The following LRRC30 variants were observed in gnomAD, a reference collection of about 807,000 sequenced individuals.
The protein encoded by LRRC30 is leucine rich repeat containing 30.
In LRRC30, 10 loss-of-function variants were observed where a neutral mutation model predicts 14.8. The ratio of observed to expected loss-of-function variants is 0.68; its 90% CI spans 0.42 to 1.15. LRRC30 has a LOEUF of 1.15. LRRC30 is among the 50% of genes most tolerant of loss of function. The probability of loss-of-function intolerance (pLI) is 0.00; values close to 1 mark genes in which losing one functional copy is unlikely to be tolerated. For synonymous variants in LRRC30, 202 were observed against 175.7 expected (o/e 1.15, Z -1.18); for missense variants, 403 against 373.9 (o/e 1.08, Z -0.64).
Position 7,232,008 on chromosome 18 carries a change from G to A in LRRC30, c.870G>A (p.Met290Ile). Reference sequence around the variant, plus strand: ...AGCTGGTGGAGGGGGGCCTGGAGATGCTCTTCGGCTACCTGAAGGACAAAA... The same window carrying A: ...AGCTGGTGGAGGGGGGCCTGGAGATACTCTTCGGCTACCTGAAGGACAAAA... ...LPELVEGGLE[M>I]LFGYLKDKKH... Residue 290 changes from methionine to isoleucine, a missense_variant, in exon 1 of 1, where the codon ATG (methionine) becomes ATA (isoleucine). Transcript: ENST00000383467. The A allele has an allele frequency of 2.5e-6, 4 of 1,612,684 alleles. No individual in the cohort carries two copies. The highest frequency in any genetic ancestry group is 3.4e-6 in the Non-Finnish European group (4 of 1,179,270).
Position 7,231,157 on chromosome 18 carries a change from A to T in LRRC30, c.19A>T (p.Arg7Trp). 1 of 1,594,058 alleles carries T rather than the reference A, an allele frequency of 6.3e-7. No homozygotes were observed. Among genetic ancestry groups the T allele is most frequent in the East Asian group, 2.2e-5 (1 of 44,520 alleles). The change falls in exon 1 of 1, where the codon AGG becomes TGG. Residue 7 changes from arginine (R) to tryptophan (W), a missense_variant. Physicochemically the swap from Arg to Trp is moderately radical, Grantham distance 101 (BLOSUM62 -3). Coordinates refer to ENST00000383467, the MANE Select transcript of LRRC30 (RefSeq NM_001105581.3). MGARQS[R>W]ASSKDKGPKR... ...AGGTACAATGGGGGCCAGGCAGTCA[A>T]GGGCCAGCTCCAAGGATAAGGGCCC... is the stretch of plus-strand genomic sequence containing the variant.
Position 7,231,354 on chromosome 18 carries a change from G to T in LRRC30, c.216G>T (p.Glu72Asp), listed in dbSNP as rs2058619015. The T allele has an allele frequency of 1.2e-6, 2 of 1,614,120 alleles. No individual in the cohort carries two copies. The highest frequency in any genetic ancestry group is 2.7e-5 in the African/African-American group (2 of 74,946). The stretch of plus-strand genomic sequence containing the variant: ...CCGACTTTCTGTGGGGCTTGTCCGA[G>T]GTCCAGAAACTCAATCTGTCTCACA... ...DIPDFLWGLSEVQKLNLSHNQ... is the reference protein window; with the variant it reads ...DIPDFLWGLSDVQKLNLSHNQ... The change falls in exon 1 of 1, where the codon GAG (glutamate) becomes GAT (aspartate). Residue 72 changes from glutamate to aspartate, a missense_variant. Transcript: ENST00000383467.
rs746349899 is a variant in LRRC30 at position 7,231,471 on chromosome 18, A to C, written c.333A>C (p.Arg111Ser). The C allele has an allele frequency of 6.2e-7, 1 of 1,614,042 alleles. No homozygotes were observed. Among genetic ancestry groups the C allele is most frequent in the Admixed American group, 1.7e-5 (1 of 60,012 alleles). The change falls in exon 1 of 1, where the codon AGA becomes AGC. Residue 111 changes from arginine to serine, a missense_variant. By Grantham distance (110) the Arg-to-Ser change is moderately radical. Coordinates refer to ENST00000383467, the MANE Select transcript of LRRC30 (RefSeq NM_001105581.3). ...LCGNRLKSLP[R>S]EVSLLQCLKV... ...GGAACCGCCTGAAGAGCCTGCCCAGAGAAGTGAGCCTCCTACAGTGCCTCA... is the reference window on the plus strand; with the variant it reads ...GGAACCGCCTGAAGAGCCTGCCCAGCGAAGTGAGCCTCCTACAGTGCCTCA...
In LRRC30 at chr18:7,231,319, A is replaced by G. The variant is rs1247497045; in HGVS notation, c.181A>G (p.Thr61Ala). 2.5e-6 allele frequency: 4 copies of G among 1,614,224 alleles called. No individual in the cohort carries two copies. Among genetic ancestry groups the G allele is most frequent in the East Asian group, 2.2e-5 (1 of 44,880 alleles). The part of the protein sequence containing the change: ...VSFSLVTRGM[T>A]DIPDFLWGLS... ...CTTCAGCCTGGTCACGAGAGGAATG[A>G]CAGACATCCCCGACTTTCTGTGGGG... The change falls in exon 1 of 1, where the codon ACA becomes GCA. Residue 61 changes from threonine (T) to alanine (A), a missense_variant. Coordinates refer to ENST00000383467, the MANE Select transcript of LRRC30 (RefSeq NM_001105581.3).
Position 7,231,921 on chromosome 18 carries a change from C to T in LRRC30, c.783C>T (p.Ala261=). The T allele has an allele frequency of 6.2e-7, 1 of 1,613,180 alleles. No individual in the cohort carries two copies. The highest frequency in any genetic ancestry group is 1.7e-4 in the Middle Eastern group (1 of 6,060). Residue 261 remains alanine, a synonymous_variant, in exon 1 of 1, where the codon GCC becomes GCT. Transcript: ENST00000383467. Reference sequence around the variant, plus strand: ...TGCTGTGTAGACTGGTGAGGATCGCCTGGAATCCCATGGACAAAGGGCTCC... The same window carrying T: ...TGCTGTGTAGACTGGTGAGGATCGCTTGGAATCCCATGGACAAAGGGCTCC... ...LHLLCRLVRI[A]WNPMDKGLHI...
Position 7,231,886 on chromosome 18 carries a change from G to T in LRRC30, c.748G>T (p.Glu250Ter), listed in dbSNP as rs759621671. 2 of 1,613,908 alleles carry T rather than the reference G, an allele frequency of 1.2e-6. No individual in the cohort carries two copies. The highest frequency in any genetic ancestry group is 2.7e-5 in the African/African-American group (2 of 74,868). The change falls in exon 1 of 1, where the codon GAA becomes TAA. Residue 250 changes from glutamate to a stop codon, truncating the protein, a stop_gained. Transcript: ENST00000383467. LOFTEE classifies it high-confidence loss of function. The stretch of plus-strand genomic sequence containing the variant: ...CAATGACATCCAGACCCTCCCGAGC[G>T]AACTCCACCTGCTGTGTAGACTGGT... ...NNNDIQTLPS[E>*]LHLLCRLVRI...
chr18:7,231,304 G>A lies in LRRC30; in HGVS notation c.166G>A (p.Val56Ile). 1 of 1,614,252 alleles carries A rather than the reference G, an allele frequency of 6.2e-7. No individual in the cohort carries two copies. Among genetic ancestry groups the A allele is most frequent in the Non-Finnish European group, 8.5e-7 (1 of 1,180,048 alleles). Reference sequence around the variant, plus strand: ...CATGCACCACGTCAGCTTCAGCCTGGTCACGAGAGGAATGACAGACATCCC... The same window carrying A: ...CATGCACCACGTCAGCTTCAGCCTGATCACGAGAGGAATGACAGACATCCC... ...RGMHHVSFSL[V>I]TRGMTDIPDF... The change falls in exon 1 of 1, where the codon GTC becomes ATC. Residue 56 changes from valine (V) to isoleucine (I), a missense_variant. Coordinates refer to ENST00000383467, the MANE Select transcript of LRRC30 (RefSeq NM_001105581.3).
chr18:7,232,029 C>CA lies in LRRC30; in HGVS notation c.897dup (p.His300ThrfsTer?), dbSNP rs1423983291. 2 of 1,604,726 alleles carry CA rather than the reference C, an allele frequency of 1.2e-6. No homozygotes were observed. The highest frequency in any genetic ancestry group is 2.2e-5 in the East Asian group (1 of 44,818). On this transcript the variant is annotated frameshift_variant, in exon 1 of 1. Coordinates refer to ENST00000383467, the MANE Select transcript of LRRC30 (RefSeq NM_001105581.3). LOFTEE classifies it high-confidence loss of function. ...AGATGCTCTTCGGCTACCTGAAGGA[C>CA]AAAAAACACACCTGACCTGGGTCCC...
Position 7,231,519 on chromosome 18 carries a change from C to T in LRRC30, c.381C>T (p.Asn127=). Residue 127 remains asparagine (N), a synonymous_variant, in exon 1 of 1, where the codon AAC becomes AAT. Transcript: ENST00000383467. The part of the protein sequence containing the change: ...QCLKVLFVNM[N]CLTEVPAELS... ...TCAAGGTCCTGTTTGTCAACATGAA[C>T]TGCCTGACAGAGGTGCCGGCCGAGC... The T allele has an allele frequency of 6.2e-7, 1 of 1,613,542 alleles. No homozygotes were observed. Among genetic ancestry groups the T allele is most frequent in the Non-Finnish European group, 8.5e-7 (1 of 1,180,034 alleles).
Position 7,231,745 on chromosome 18 carries a change from G to A in LRRC30, c.607G>A (p.Glu203Lys), listed in dbSNP as rs754381996. Reference sequence around the variant, plus strand: ...CTCGAATCGCCTGGAAAACATCGCTGAGAGCATCCAGCACCTGGCCAGCCT... The same window carrying A: ...CTCGAATCGCCTGGAAAACATCGCTAAGAGCATCCAGCACCTGGCCAGCCT... ...VGSNRLENIA[E>K]SIQHLASLQI... Residue 203 changes from glutamate to lysine, a missense_variant, in exon 1 of 1, where the codon GAG becomes AAG. Physicochemically the swap from Glu to Lys is moderately conservative, Grantham distance 56. Coordinates refer to ENST00000383467, the MANE Select transcript of LRRC30 (RefSeq NM_001105581.3). 1.9e-6 allele frequency: 3 copies of A among 1,614,164 alleles called. No individual in the cohort carries two copies. Among genetic ancestry groups the A allele is most frequent in the South Asian group, 2.2e-5 (2 of 91,078 alleles).
Position 7,231,819 on chromosome 18 carries a change from G to T in LRRC30, c.681G>T (p.Ser227=). 6.2e-7 allele frequency: 1 copy of T among 1,614,064 alleles called. No homozygotes were observed. The highest frequency in any genetic ancestry group is 8.5e-7 in the Non-Finnish European group (1 of 1,180,000). ...ACAACATCCACTCCTTCCCGAGGTCGCTTTGCCTGGTCACCAGCCTGGAGC... is the reference window on the plus strand; with the variant it reads ...ACAACATCCACTCCTTCCCGAGGTCTCTTTGCCTGGTCACCAGCCTGGAGC... ...EGNNIHSFPR[S]LCLVTSLELL... is the part of the protein sequence containing the mutation. Residue 227 remains serine, a synonymous_variant, in exon 1 of 1, where the codon TCG becomes TCT. Transcript: ENST00000383467.
Position 7,231,452 on chromosome 18 carries a change from G to T in LRRC30, c.314G>T (p.Arg105Leu), listed in dbSNP as rs1317107187. Residue 105 changes from arginine to leucine, a missense_variant, in exon 1 of 1, where the codon CGC (arginine) becomes CTC (leucine). Coordinates refer to ENST00000383467, the MANE Select transcript of LRRC30 (RefSeq NM_001105581.3). ...GTGGTCCTGAACTTGTGCGGGAACC[G>T]CCTGAAGAGCCTGCCCAGAGAAGTG... is the stretch of plus-strand genomic sequence containing the variant. ...RIVVLNLCGN[R>L]LKSLPREVSL... 6.2e-7 allele frequency: 1 copy of T among 1,613,938 alleles called. No homozygotes were observed. The highest frequency in any genetic ancestry group is 8.5e-7 in the Non-Finnish European group (1 of 1,180,050).
rs755649403 is a variant in LRRC30, at chr18:7,231,768, C to G, written c.630C>G (p.Ser210Arg). Reference sequence around the variant, plus strand: ...CTGAGAGCATCCAGCACCTGGCCAGCCTGCAGATCTTCATCGCAGAGGGCA... The same window carrying G: ...CTGAGAGCATCCAGCACCTGGCCAGGCTGCAGATCTTCATCGCAGAGGGCA... Reference protein sequence around the residue: ...NIAESIQHLASLQIFIAEGNN... With the variant: ...NIAESIQHLARLQIFIAEGNN... The change falls in exon 1 of 1, where the codon AGC (serine) becomes AGG (arginine). Residue 210 changes from serine (S) to arginine (R), a missense_variant. By Grantham distance (110) the Ser-to-Arg change is moderately radical. Coordinates refer to ENST00000383467, the MANE Select transcript of LRRC30 (RefSeq NM_001105581.3). The G allele has an allele frequency of 2.5e-6, 4 of 1,614,052 alleles. No homozygotes were observed. The highest frequency in any genetic ancestry group is 2.2e-5 in the South Asian group (2 of 91,084).
rs2058620118 is a variant in LRRC30 at position 7,231,579 on chromosome 18, G to C, written c.441G>C (p.Leu147Phe). ...GCCGAAAGCTGGAGGTCCTGAGCTT[G>C]TCGCACAACTGCCTGTCCCAGCTCC... Reference protein sequence around the residue: ...SLCRKLEVLSLSHNCLSQLPA... With the variant: ...SLCRKLEVLSFSHNCLSQLPA... Residue 147 changes from leucine (L) to phenylalanine (F), a missense_variant, in exon 1 of 1, where the codon TTG becomes TTC. Transcript: ENST00000383467. 6.2e-7 allele frequency: 1 copy of C among 1,613,806 alleles called. No individual in the cohort carries two copies. Among genetic ancestry groups the C allele is most frequent in the African/African-American group, 1.3e-5 (1 of 74,930 alleles).
In LRRC30 at chr18:7,231,688, T is replaced by A. The variant is rs1325274329; in HGVS notation, c.550T>A (p.Ser184Thr). 6.2e-7 allele frequency: 1 copy of A among 1,614,066 alleles called. No individual in the cohort carries two copies. Among genetic ancestry groups the A allele is most frequent in the Non-Finnish European group, 8.5e-7 (1 of 1,180,048 alleles). Residue 184 changes from serine to threonine, a missense_variant, in exon 1 of 1, where the codon TCC becomes ACC. Ser to Thr is a moderately conservative substitution (Grantham distance 58, BLOSUM62 1). Transcript: ENST00000383467. ...FFAHIPMCVF[S>T]LKELIFLHVG... Reference sequence around the variant, plus strand: ...CGCGCACATCCCCATGTGTGTGTTCTCCCTGAAGGAACTGATTTTCTTGCA... The same window carrying A: ...CGCGCACATCCCCATGTGTGTGTTCACCCTGAAGGAACTGATTTTCTTGCA...
In LRRC30 at chr18:7,231,510, C is replaced by G; in HGVS notation, c.372C>G (p.Val124=). 4 of 1,613,572 alleles carry G rather than the reference C, an allele frequency of 2.5e-6. No homozygotes were observed. The highest frequency in any genetic ancestry group is 3.4e-6 in the Non-Finnish European group (4 of 1,180,022). ...TACAGTGCCTCAAGGTCCTGTTTGT[C>G]AACATGAACTGCCTGACAGAGGTGC... ...SLLQCLKVLF[V]NMNCLTEVPA... is the part of the protein sequence containing the mutation. Residue 124 remains valine (V), a synonymous_variant, in exon 1 of 1, where the codon GTC becomes GTG. Coordinates refer to ENST00000383467, the MANE Select transcript of LRRC30 (RefSeq NM_001105581.3).
In LRRC30 at chr18:7,231,783, C is replaced by T. The variant is rs1242390596; in HGVS notation, c.645C>T (p.Ile215=). ...IQHLASLQIF[I]AEGNNIHSFP... ...ACCTGGCCAGCCTGCAGATCTTCAT[C>T]GCAGAGGGCAACAACATCCACTCCT... The change falls in exon 1 of 1, where the codon ATC becomes ATT. Residue 215 remains isoleucine, a synonymous_variant. Transcript: ENST00000383467. 1.9e-6 allele frequency: 3 copies of T among 1,614,156 alleles called. No individual in the cohort carries two copies. The highest frequency in any genetic ancestry group is 1.7e-5 in the Admixed American group (1 of 60,020).
chr18:7,231,954 C>T lies in LRRC30; in HGVS notation c.816C>T (p.Ser272=). 1.9e-6 allele frequency: 3 copies of T among 1,614,038 alleles called. No individual in the cohort carries two copies. Among genetic ancestry groups the T allele is most frequent in the Non-Finnish European group, 2.5e-6 (3 of 1,180,006 alleles). The change falls in exon 1 of 1, where the codon TCC becomes TCT. Residue 272 remains serine, a synonymous_variant. Coordinates refer to ENST00000383467, the MANE Select transcript of LRRC30 (RefSeq NM_001105581.3). ...WNPMDKGLHI[S]HNPLSKPLPE... ...CCATGGACAAAGGGCTCCACATTTCCCACAACCCTTTATCCAAGCCTCTGC... is the reference window on the plus strand; with the variant it reads ...CCATGGACAAAGGGCTCCACATTTCTCACAACCCTTTATCCAAGCCTCTGC...
Position 7,231,797 on chromosome 18 carries a change from A to C in LRRC30, c.659A>C (p.Asn220Thr), listed in dbSNP as rs79072088. 1 of 1,614,086 alleles carries C rather than the reference A, an allele frequency of 6.2e-7. No homozygotes were observed. Among genetic ancestry groups the C allele is most frequent in the Non-Finnish European group, 8.5e-7 (1 of 1,180,020 alleles). The change falls in exon 1 of 1, where the codon AAC (asparagine) becomes ACC (threonine). Residue 220 changes from asparagine (N) to threonine (T), a missense_variant. Transcript: ENST00000383467. ...SLQIFIAEGN[N>T]IHSFPRSLCL... ...CAGATCTTCATCGCAGAGGGCAACA[A>C]CATCCACTCCTTCCCGAGGTCGCTT...
Sources: gnomAD v4.1 joint callset for allele counts on GRCh38, gnomAD v4.1.1 for gene constraint, MANE v1.5 for transcripts, NCBI Gene and HGNC (gene_info 2026-07-23, HGNC 2026-07-21) for gene names.